Variants in USP3 observed in about 807,000 individuals in gnomAD.
USP3 encodes the protein ubiquitin carboxyl-terminal hydrolase 3.
USP3 carries 20 observed loss-of-function variants against 72.3 expected under a neutral mutation model. The observed-to-expected ratio is 0.28, with a 90% CI of 0.19 to 0.40. The LOEUF (loss-of-function observed/expected upper bound fraction) is 0.40, where lower values mean the gene tolerates loss of function less well. Among genes scored for constraint, USP3 ranks in the 10% least tolerant of loss-of-function variants. The pLI is 1.00. For missense variants in USP3, 479 were observed against 633.9 expected (o/e 0.76, Z 2.62); for synonymous variants, 222 against 225.3 (o/e 0.99, Z 0.13).
intron 5 of USP3, among the ~76,000 whole-genome samples, chr15:63,557,343 A>G (rs1024561904): frequency 2.6e-5 from 4 of 151,910 alleles, no homozygotes; most frequent in African/African-American, 9.7e-5. Context: ...GCCCATTGCA[A>G]CCTCAGCCTC....
At chr15:63,505,301 T>TGGGCTGCG (rs2065696851) in intron 1 of USP3, among the ~76,000 whole-genome samples, 1 of 152,084 alleles carries the variant, frequency 6.6e-6, no homozygotes, top group Admixed American at 6.5e-5. Context: ...CAGCTTTGTC[T>TGGGCTGCG]GGGCTGCGGG....
chr15:63,567,282 C>G (rs1021869534), intron 8 of USP3, among the ~76,000 whole-genome samples: 1 of 151,476 alleles, frequency 6.6e-6, no homozygotes, highest in East Asian at 1.9e-4. Context: ...TCAAGTTATT[C>G]TTCTGCCTCA....
Position 63,590,967 on chromosome 15 carries a change from A to G in USP3, c.*141A>G. ...TTAGTTTTGTCAATGGTAGTGACTT[A>G]CTGAACATGGGCACCAACTAATTTT... On this transcript the variant is annotated 3_prime_UTR_variant, in exon 15 of 15. Coordinates refer to ENST00000380324, the MANE Select transcript of USP3 (RefSeq NM_006537.4). 1 of 1,058,966 alleles carries G rather than the reference A, an allele frequency of 9.4e-7. No individual in the cohort carries two copies. Among genetic ancestry groups the G allele is most frequent in the Non-Finnish European group, 1.3e-6 (1 of 788,616 alleles). The allele number at this position is 1,058,966 out of a possible 1,614,324, so 65.6% of individuals were successfully genotyped here.
intron 1 of USP3, among the ~76,000 whole-genome samples, chr15:63,511,940 A>C: frequency 6.7e-6 from 1 of 149,058 alleles, no homozygotes; most frequent in East Asian, 2.0e-4. Flanking sequence ...AACTAAAACT[A>C]GTAACTGCAG....
intron 3 of USP3, chr15:63,542,154 G>T: frequency 2.0e-6 from 2 of 985,062 alleles, no homozygotes; most frequent in Non-Finnish European, 2.4e-6. Context: ...CTAACAACAG[G>T]AATTGAAAAA....
intron 4 of USP3, among the ~76,000 whole-genome samples, chr15:63,555,620 T>C (rs1397684748): frequency 4.6e-5 from 7 of 152,222 alleles, no homozygotes; most frequent in Non-Finnish European, 5.9e-5. Context: ...AGGTTACAAC[T>C]GAAAATGAAC....
Position 63,582,244 on chromosome 15 carries a change from A to C in USP3, c.1097-6061A>C, listed in dbSNP as rs953953071. On this transcript the variant is annotated intron_variant, in intron 11 of 14. Transcript: ENST00000380324. ...ATTAGGTTTCTGGGGATGCTCAGGT[A>C]ACTTTTTAAAACCCATGAAGAGATG... Among the ~76,000 whole-genome samples, 62 of 152,186 alleles carry C rather than the reference A, an allele frequency of 4.1e-4. 1 individual carries two copies. The highest frequency in any genetic ancestry group is 2.6e-3 in the Admixed American group (40 of 15,280).
intron 4 of USP3, chr15:63,556,189 A>G (rs1207019009): frequency 6.6e-6 from 1 of 152,442 alleles, no homozygotes; most frequent in Non-Finnish European, 1.5e-5. Flanking sequence ...TAACTTATTT[A>G]TCATTCCTCA....
At chr15:63,542,668 A>G (rs886491970) in intron 3 of USP3, among the ~76,000 whole-genome samples, 2 of 152,166 alleles carry the variant, frequency 1.3e-5, no homozygotes, top group Non-Finnish European at 1.5e-5. Flanking sequence ...TAAAAAACTA[A>G]TAACATTGAA....
chr15:63,567,065 A>C (rs2066702044), intron 8 of USP3, among the ~76,000 whole-genome samples: 1 of 152,250 alleles, frequency 6.6e-6, no homozygotes, highest in African/African-American at 2.4e-5. Context: ...AGTAATGTGC[A>C]GGCATGTCAT....
At chr15:63,540,577 G>T (rs1244056168) in intron 3 of USP3, among the ~76,000 whole-genome samples, 1 of 152,132 alleles carries the variant, frequency 6.6e-6, no homozygotes, top group Non-Finnish European at 1.5e-5. Flanking sequence ...TTTTCCTGCA[G>T]ACAACTTAAA....
At chr15:63,506,839 G>A (rs1161494234) in intron 1 of USP3, among the ~76,000 whole-genome samples, 1 of 152,184 alleles carries the variant, frequency 6.6e-6, no homozygotes, top group Admixed American at 6.5e-5. Context: ...ACTTGGATTT[G>A]TAGAACCAAT....
At position 63,562,936 on chromosome 15, in the gene USP3, G is replaced by T; in HGVS notation, c.689G>T (p.Trp230Leu). 6.2e-7 allele frequency: 1 copy of T among 1,612,848 alleles called. No individual in the cohort carries two copies. Among genetic ancestry groups the T allele is most frequent in the South Asian group, 1.1e-5 (1 of 90,502 alleles). ...TTTAGAAAGACACTCTGTGCTTTAT[G>T]GCAAGGCAGCCAGACTGCATTTAGC... is the stretch of plus-strand genomic sequence containing the variant. The part of the protein sequence containing the change: ...EEFRKTLCAL[W>L]QGSQTAFSPE... Residue 230 changes from tryptophan (W) to leucine (L), a missense_variant, in exon 8 of 15, where the codon TGG becomes TTG. Coordinates refer to ENST00000380324, the MANE Select transcript of USP3 (RefSeq NM_006537.4).
chr15:63,534,679 G>A (rs147273931), intron 2 of USP3, among the ~76,000 whole-genome samples: 6 of 152,080 alleles, frequency 3.9e-5, no homozygotes, highest in East Asian at 3.9e-4. Context: ...GATATGCACC[G>A]GAACTATTTA....
At chr15:63,580,660 A>ATATATGT (rs60776150) in intron 11 of USP3, among the ~76,000 whole-genome samples, 1 of 113,044 alleles carries the variant, frequency 8.8e-6, no homozygotes, top group Admixed American at 9.0e-5. Flanking sequence ...ATGAATATAT[A>ATATATGT]ATATATATAT....
intron 1 of USP3, among the ~76,000 whole-genome samples, chr15:63,526,416 C>T (rs1255076894): frequency 1.3e-5 from 2 of 152,148 alleles, no homozygotes; most frequent in Non-Finnish European, 2.9e-5. Context: ...ATGGTCTGTA[C>T]CTCATTGGAT....
At chr15:63,547,455 C>T (rs955705100) in intron 3 of USP3, among the ~76,000 whole-genome samples, 1 of 151,982 alleles carries the variant, frequency 6.6e-6, no homozygotes, top group African/African-American at 2.4e-5. Context: ...TATGGCCGGG[C>T]ATAGTGGCTC....
In USP3 at chr15:63,590,822, T is replaced by G; in HGVS notation, c.1559T>G (p.Leu520Arg). The change falls in exon 15 of 15, where the codon CTT (leucine) becomes CGT (arginine). Residue 520 changes from leucine to arginine, a missense_variant. By Grantham distance (102) the Leu-to-Arg change is moderately radical. Coordinates refer to ENST00000380324, the MANE Select transcript of USP3 (RefSeq NM_006537.4). Reference sequence around the variant, plus strand: ...CAGGCCAAAGCTGGATCGGATAAACTTTAATACCTCCTCCAAATCATCATT... The same window carrying G: ...CAGGCCAAAGCTGGATCGGATAAACGTTAATACCTCCTCCAAATCATCATT... ...EHQAKAGSDK[L>R] is the part of the protein sequence containing the mutation. 6.2e-7 allele frequency: 1 copy of G among 1,608,782 alleles called. No individual in the cohort carries two copies. The highest frequency in any genetic ancestry group is 8.5e-7 in the Non-Finnish European group (1 of 1,177,930).
chr15:63,523,667 T>G (rs1326380450), intron 1 of USP3, among the ~76,000 whole-genome samples: 1 of 152,172 alleles, frequency 6.6e-6, no homozygotes, highest in East Asian at 1.9e-4. Flanking sequence ...GCTAGGAATT[T>G]TGTGAGAAAA....
Sources: allele counts gnomAD v4.1 joint callset (sites outside exome capture counted in the v4.1 genomes callset), GRCh38; gene constraint gnomAD v4.1.1; transcripts MANE v1.5; gene names NCBI Gene and HGNC (gene_info 2026-07-23, HGNC 2026-07-21).